Variants in HDAC9 observed in about 807,000 individuals in gnomAD.
HDAC9 encodes histone deacetylase 9, also known as MEF-2 interacting transcription repressor (MITR) protein.
In HDAC9, 41 loss-of-function variants were observed where a neutral mutation model predicts 139.4. That is an observed-to-expected ratio of 0.29 (90% CI 0.23 to 0.38). HDAC9 has a LOEUF of 0.38. HDAC9 is among the 10% of genes least tolerant of loss of function. HDAC9 has a pLI of 1.00. For missense variants in HDAC9, 1,147 were observed against 1,297.0 expected (o/e 0.88, Z 1.78); for synonymous variants, 517 against 476.2 (o/e 1.09, Z -1.12).
intron 2 of HDAC9, among the ~76,000 whole-genome samples, chr7:18,538,327 A>G (rs1811561815): frequency 6.6e-6 from 1 of 152,220 alleles, no homozygotes; most frequent in Admixed American, 6.5e-5. Context: ...AAATAAACAT[A>G]CTAGTTAAGT....
At chr7:18,899,689 C>G (rs958949102) in intron 22 of HDAC9, among the ~76,000 whole-genome samples, 1 of 151,626 alleles carries the variant, frequency 6.6e-6, no homozygotes, top group Non-Finnish European at 1.5e-5. Context: ...ATCTATAAGC[C>G]TTGAACTATT....
intron 22 of HDAC9, among the ~76,000 whole-genome samples, chr7:18,877,447 A>T (rs1192940141): frequency 6.6e-6 from 1 of 152,168 alleles, no homozygotes; most frequent in Non-Finnish European, 1.5e-5. Flanking sequence ...CTAAAGTAAA[A>T]AGTAGGAACA....
chr7:18,811,413 A>G (rs988020035), intron 17 of HDAC9, among the ~76,000 whole-genome samples: 1 of 151,710 alleles, frequency 6.6e-6, no homozygotes, highest in Non-Finnish European at 1.5e-5. Flanking sequence ...CTTTATCTAC[A>G]TTCTGTAAAT....
At chr7:18,578,542 C>G (rs1351055803) in intron 2 of HDAC9, among the ~76,000 whole-genome samples, 1 of 152,154 alleles carries the variant, frequency 6.6e-6, no homozygotes, top group Non-Finnish European at 1.5e-5. Flanking sequence ...GCAGTGGTTC[C>G]AAGGCCAAAT....
chr7:18,175,595 G>T (rs1382214600), intron 2 of HDAC9, among the ~76,000 whole-genome samples: 1 of 152,174 alleles, frequency 6.6e-6, no homozygotes, highest in Non-Finnish European at 1.5e-5. Flanking sequence ...TCTTGGAACG[G>T]ACCAGTCCAT....
chr7:18,796,205 G>A (rs1002314741), intron 17 of HDAC9, among the ~76,000 whole-genome samples: 2 of 152,194 alleles, frequency 1.3e-5, no homozygotes, highest in African/African-American at 4.8e-5. Context: ...ATGAGAGCTA[G>A]CTAGAGGAGG....
intron 2 of HDAC9, among the ~76,000 whole-genome samples, chr7:18,505,660 C>T (rs1454483575): frequency 6.6e-6 from 1 of 152,142 alleles, no homozygotes; most frequent in Admixed American, 6.5e-5. Flanking sequence ...AAAATTCACC[C>T]ATTACCTACT....
chr7:18,130,306 C>T (rs901459911), intron 1 of HDAC9, among the ~76,000 whole-genome samples: 1 of 151,940 alleles, frequency 6.6e-6, no homozygotes, highest in African/African-American at 2.4e-5. Context: ...TGTATAAAGG[C>T]CCTGAGGTAG....
chr7:18,727,470 C>A, intron 12 of HDAC9, 110 bp from the exon 13 acceptor site: 1 of 859,756 alleles, frequency 1.2e-6, no homozygotes, highest in Non-Finnish European at 1.7e-6. Flanking sequence ...TCCTTCACAC[C>A]GTTTATTATG....
intron 2 of HDAC9, among the ~76,000 whole-genome samples, chr7:18,195,590 C>G (rs543667561): frequency 1.3e-5 from 2 of 152,120 alleles, no homozygotes; most frequent in Admixed American, 1.3e-4. Flanking sequence ...CACCTATACT[C>G]TAGGGGGTTC....
At chr7:18,267,224 T>G (rs1389654549) in intron 2 of HDAC9, among the ~76,000 whole-genome samples, 1 of 152,130 alleles carries the variant, frequency 6.6e-6, no homozygotes, top group East Asian at 1.9e-4. Context: ...TTTTGAAACA[T>G]GTATACATTG....
intron 1 of HDAC9, among the ~76,000 whole-genome samples, chr7:18,471,656 T>C (rs1484996094): frequency 6.6e-6 from 1 of 152,218 alleles, no homozygotes; most frequent in African/African-American, 2.4e-5. Flanking sequence ...CTCCTAACCT[T>C]ATCCTAACTC....
At chr7:18,721,019 T>G (rs1785106115) in intron 12 of HDAC9, among the ~76,000 whole-genome samples, 1 of 152,148 alleles carries the variant, frequency 6.6e-6, no homozygotes, top group African/African-American at 2.4e-5. Flanking sequence ...ACATTTTCTC[T>G]CTTAATTTCT....
At chr7:18,920,026 C>T (rs1803553401) in intron 22 of HDAC9, among the ~76,000 whole-genome samples, 1 of 151,996 alleles carries the variant, frequency 6.6e-6, no homozygotes, top group Non-Finnish European at 1.5e-5. Context: ...TTTTCCAATT[C>T]TGTGAAGAAA....
intron 1 of HDAC9, among the ~76,000 whole-genome samples, chr7:18,139,253 G>T (rs564775621): frequency 2.7e-5 from 4 of 150,642 alleles, no homozygotes; most frequent in Non-Finnish European, 5.9e-5. Context: ...AGCCTTTCAA[G>T]TAGCTGGTAC....
In HDAC9 at chr7:18,775,958, G is replaced by T. The variant is rs573674333; in HGVS notation, c.2214+8803G>T. ...TTTTTGTTTGTTTGTTTGAGACAGG[G>T]TCTTGCTCTGTTGCTCAGGTGGGAG... On this transcript the variant is annotated intron_variant, in intron 16 of 25. Transcript: ENST00000686413. 5.3e-5 allele frequency among the ~76,000 whole-genome samples: 8 copies of T among 152,080 alleles called. No individual in the cohort carries two copies. In the South Asian group the frequency reaches 8.3e-4, roughly 16 times the overall value.
chr7:18,808,596 A>G (rs1287958809), intron 17 of HDAC9, among the ~76,000 whole-genome samples: 1 of 152,142 alleles, frequency 6.6e-6, no homozygotes, highest in Non-Finnish European at 1.5e-5. Flanking sequence ...AACCAAGGAG[A>G]TAAAAAATTT....
At chr7:18,648,385 T>G in intron 10 of HDAC9, 81 bp from the exon 11 acceptor site, 1 of 1,222,458 alleles carries the variant, frequency 8.2e-7, no homozygotes, top group Non-Finnish European at 1.2e-6. Context: ...GCTTCTTATC[T>G]TTTCTTAAAA....
chr7:18,995,345 A>G (rs2129354248), intron 25 of HDAC9, among the ~76,000 whole-genome samples: 1 of 152,350 alleles, frequency 6.6e-6, no homozygotes, highest in South Asian at 2.1e-4. Context: ...TCATTCTAAA[A>G]GTTTGCCTTA....
Sources: gnomAD v4.1 joint callset for allele counts (sites outside exome capture counted in the v4.1 genomes callset) on GRCh38, gnomAD v4.1.1 for gene constraint, MANE v1.5 for transcripts, NCBI Gene and HGNC (gene_info 2026-07-23, HGNC 2026-07-21) for gene names.